The following ASTN2 variants were observed in gnomAD, a reference collection of about 807,000 sequenced individuals.
ASTN2 encodes astrotactin 2, also known as astrotactin-2.
A neutral mutation model predicts 139.8 loss-of-function variants in ASTN2; 54 were observed. That is an observed-to-expected ratio of 0.39 (90% CI 0.31 to 0.48). ASTN2 has a LOEUF of 0.48. Ranked by LOEUF, ASTN2 falls within the 20% of genes least tolerant of loss-of-function variation. The pLI, the probability that ASTN2 is intolerant of heterozygous loss-of-function variation, is 0.95. For missense variants in ASTN2, 1,565 were observed against 1,725.1 expected, an observed-to-expected ratio of 0.91 and a Z score of 1.64; for synonymous variants, 756 against 719.5, an observed-to-expected ratio of 1.05 and a Z score of -0.81.
At chr9:116,464,717 T>C (rs954456343) in intron 20 of ASTN2, among the ~76,000 whole-genome samples, 15 of 152,190 alleles carry the variant, frequency 9.9e-5, no homozygotes, top group African/African-American at 1.4e-4. Context: ...AGAGCCTTTG[T>C]ACTGGGCAAT....
At chr9:117,200,748 G>A (rs978177846) in intron 3 of ASTN2, among the ~76,000 whole-genome samples, 1 of 152,146 alleles carries the variant, frequency 6.6e-6, no homozygotes, top group Non-Finnish European at 1.5e-5. Flanking sequence ...TTGACGTGCT[G>A]CTGGATTCAG....
At position 117,016,638 on chromosome 9, in the gene ASTN2, ATATATATATATATATATAACC is replaced by A. The variant is rs1564385962; in HGVS notation, c.1424-8400_1424-8380del. ...TATCTATCTATCTATATATATATAT[ATATATATATATATATATAACC>A]TATATATATGTTACATATATATAGG... On this transcript the variant is annotated intron_variant, in intron 6 of 22. Coordinates refer to ENST00000313400, the MANE Select transcript of ASTN2 (RefSeq NM_001365068.1). Among the ~76,000 whole-genome samples, 24 of 33,258 alleles carry A rather than the reference ATATATATATATATATATAACC, an allele frequency of 7.2e-4. 2 individuals carry two copies. Among genetic ancestry groups the A allele is most frequent in the African/African-American group, 2.5e-3 (21 of 8,414 alleles). The allele number at this position is 33,258 out of a possible 152,430, so 21.8% of individuals were successfully genotyped here.
intron 10 of ASTN2, among the ~76,000 whole-genome samples, chr9:116,921,986 G>C (rs1012315459): frequency 2.0e-5 from 3 of 152,146 alleles, no homozygotes; most frequent in Admixed American, 2.0e-4. Context: ...CTGAACATGG[G>C]ATTTGGGTGG....
intron 2 of ASTN2, among the ~76,000 whole-genome samples, chr9:117,269,145 C>T (rs1023330985): frequency 6.6e-6 from 1 of 152,164 alleles, no homozygotes; most frequent in Admixed American, 6.5e-5. Context: ...TTCTCCCAGC[C>T]ATGTGTTTCA....
At chr9:117,291,622 C>T in intron 1 of ASTN2, 109 bp from the exon 2 acceptor site, 1 of 942,248 alleles carries the variant, frequency 1.1e-6, no homozygotes, top group Non-Finnish European at 1.6e-6. Flanking sequence ...CATTTTTTGC[C>T]AGGATACCTT....
chr9:117,095,317 T>A (rs538302676), intron 5 of ASTN2, among the ~76,000 whole-genome samples: 1 of 152,228 alleles, frequency 6.6e-6, no homozygotes, highest in East Asian at 1.9e-4. Flanking sequence ...GCTGTTTTCC[T>A]TTCAGAGCAC....
intron 7 of ASTN2, among the ~76,000 whole-genome samples, chr9:116,995,985 G>C (rs936845308): frequency 3.3e-5 from 5 of 152,034 alleles, no homozygotes; most frequent in African/African-American, 1.2e-4. Context: ...GACTACAGGT[G>C]CATGCCACCA....
chr9:116,448,192 C>A (rs961502373), intron 20 of ASTN2, among the ~76,000 whole-genome samples: 9 of 151,046 alleles, frequency 6.0e-5, no homozygotes, highest in Admixed American at 5.3e-4. Context: ...TGTTTCCAGG[C>A]CAGAGGCCCC....
At chr9:116,524,719 C>T (rs555053580) in intron 19 of ASTN2, among the ~76,000 whole-genome samples, 2 of 152,288 alleles carry the variant, frequency 1.3e-5, no homozygotes, top group East Asian at 3.9e-4. Context: ...CCTTTCTGAT[C>T]TGCTGGGATG....
chr9:116,819,664 C>A (rs59045309), intron 12 of ASTN2, among the ~76,000 whole-genome samples: 2,113 of 152,310 alleles, frequency 0.014, 49 homozygotes, highest in African/African-American at 0.048. Context: ...TTAGTAAAGA[C>A]AGCATTAAAT....
chr9:116,646,198 T>A (rs929756570), intron 17 of ASTN2, among the ~76,000 whole-genome samples: 1 of 152,212 alleles, frequency 6.6e-6, no homozygotes, highest in Non-Finnish European at 1.5e-5. Context: ...ATAAAGTGTC[T>A]TGTAGGAAAC....
intron 19 of ASTN2, among the ~76,000 whole-genome samples, chr9:116,508,609 AC>A (rs1459332866): frequency 6.6e-6 from 1 of 151,972 alleles, no homozygotes; most frequent in African/African-American, 2.4e-5. Context: ...TTTATTATGA[AC>A]CTTACAACAG....
chr9:117,073,925 C>G (rs187808340), intron 5 of ASTN2, among the ~76,000 whole-genome samples: 1 of 152,138 alleles, frequency 6.6e-6, no homozygotes, highest in African/African-American at 2.4e-5. Context: ...AAAATGGACT[C>G]GAGTCTATGG....
At position 116,657,579 on chromosome 9, in the gene ASTN2, G is replaced by A. The variant is rs1296261773; in HGVS notation, c.2807-5786C>T. On this transcript the variant is annotated intron_variant, in intron 16 of 22. Transcript: ENST00000313400. Reference sequence around the variant, plus strand: ...GGTTAGGCCAGACACGGTGGCTCACGCCTGTAATCCCAATACTTTGGGAGG... The same window carrying A: ...GGTTAGGCCAGACACGGTGGCTCACACCTGTAATCCCAATACTTTGGGAGG... Among the ~76,000 whole-genome samples the A allele has an allele frequency of 3.3e-5, 5 of 152,216 alleles. 1 individual carries two copies. In the South Asian group the frequency reaches 6.2e-4, roughly 19 times the overall value.
At chr9:116,833,041 G>A (rs1444864606) in intron 11 of ASTN2, among the ~76,000 whole-genome samples, 1 of 151,818 alleles carries the variant, frequency 6.6e-6, no homozygotes, top group Non-Finnish European at 1.5e-5. Flanking sequence ...GGGATTTGGA[G>A]CTGAGGGGAG....
intron 16 of ASTN2, among the ~76,000 whole-genome samples, chr9:116,707,777 T>C (rs1828031964): frequency 6.6e-6 from 1 of 152,208 alleles, no homozygotes; most frequent in Non-Finnish European, 1.5e-5. Flanking sequence ...CAACCCTTCA[T>C]AGCCTTAATA....
intron 5 of ASTN2, among the ~76,000 whole-genome samples, chr9:117,075,458 C>T (rs552180784): frequency 1.2e-4 from 17 of 147,680 alleles, no homozygotes; most frequent in East Asian, 8.3e-4. Context: ...AAGGACCCAT[C>T]GACTAGAGTC....
At chr9:116,535,767 T>C (rs1489483883) in intron 19 of ASTN2, among the ~76,000 whole-genome samples, 2 of 152,186 alleles carry the variant, frequency 1.3e-5, no homozygotes, top group Admixed American at 1.3e-4. Context: ...AACCCGACCT[T>C]TCTCTCTGGC....
intron 19 of ASTN2, among the ~76,000 whole-genome samples, chr9:116,570,993 T>C (rs1035979119): frequency 4.6e-5 from 7 of 152,216 alleles, no homozygotes; most frequent in African/African-American, 1.7e-4. Flanking sequence ...TGGTAATTGT[T>C]TCTTTGCAAC....
Sources: gnomAD v4.1 joint callset for allele counts (sites outside exome capture counted in the v4.1 genomes callset) on GRCh38, gnomAD v4.1.1 for gene constraint, MANE v1.5 for transcripts, NCBI Gene and HGNC (gene_info 2026-07-23, HGNC 2026-07-21) for gene names.